TTN: variants seen among roughly 807,000 people sequenced by gnomAD.
TTN encodes connectin.
Under a neutral mutation model 3,223.0 loss-of-function variants are expected in TTN, and 1,525 were observed. The ratio of observed to expected loss-of-function variants is 0.47; its 90% CI spans 0.45 to 0.49. TTN has a LOEUF of 0.49. Ranked by LOEUF, TTN falls within the 20% of genes least tolerant of loss-of-function variation. The pLI is 0.00. For synonymous variants in TTN, 14,094 were observed against 15,161.0 expected (o/e 0.93, Z 5.17); for missense variants, 40,786 against 43,424.0 (o/e 0.94, Z 5.40).
Position 178,756,290 on chromosome 2 carries a change from A to G in TTN, c.11186T>C (p.Leu3729Pro). ...ICNVQLVDQG[L>P]YSCIVHNDCG... The stretch of plus-strand genomic sequence containing the variant: ...GTCATTGTGTACAATGCAGCTGTAT[A>G]GTCCTTGGTCTACCAGCTGAACATT... Residue 3729 changes from leucine to proline, a missense_variant, in exon 46 of 363, where the codon CTA (leucine) becomes CCA (proline). Leu to Pro is a moderately conservative substitution (Grantham distance 98, BLOSUM62 -3). Coordinates refer to ENST00000589042, the MANE Select transcript of TTN (RefSeq NM_001267550.2). 6.2e-7 allele frequency: 1 copy of G among 1,613,834 alleles called. No homozygotes were observed. Among genetic ancestry groups the G allele is most frequent in the Non-Finnish European group, 8.5e-7 (1 of 1,179,722 alleles).
chr2:178,785,526 A>G, intron 15 of TTN, 94 bp downstream of exon 15: 1 of 1,568,576 alleles, frequency 6.4e-7, no homozygotes, highest in Non-Finnish European at 8.7e-7. Flanking sequence ...CCAAAAAAGA[A>G]TCCTCCATTG....
At position 178,551,878 on chromosome 2, in the gene TTN, A is replaced by G. The variant is rs1379791737; in HGVS notation, c.91022T>C (p.Met30341Thr). 4 of 1,613,912 alleles carry G rather than the reference A, an allele frequency of 2.5e-6. No individual in the cohort carries two copies. The highest frequency in any genetic ancestry group is 1.1e-5 in the South Asian group (1 of 91,084). Reference protein sequence around the residue: ...PVIYNVTSDGMSLTWDAPVYD... With the variant: ...PVIYNVTSDGTSLTWDAPVYD... ...AACTGGAGCATCCCAAGTTAGTGAC[A>G]TGCCATCAGAAGTCACATTGTATAT... Residue 30341 changes from methionine to threonine, a missense_variant, in exon 335 of 363, where the codon ATG becomes ACG. By Grantham distance (81) the Met-to-Thr change is moderately conservative (BLOSUM62 -1). Transcript: ENST00000589042.
Position 178,764,263 on chromosome 2 carries a change from T to C in TTN, c.10028A>G (p.Tyr3343Cys). 6.2e-7 allele frequency: 1 copy of C among 1,614,066 alleles called. No individual in the cohort carries two copies. The highest frequency in any genetic ancestry group is 8.5e-7 in the Non-Finnish European group (1 of 1,179,986). ...AAGCGGGGTGATGATGGCAGGTGGATAAACAGGCATTTCCTGATCAGGAGA... is the reference window on the plus strand; with the variant it reads ...AAGCGGGGTGATGATGGCAGGTGGACAAACAGGCATTTCCTGATCAGGAGA... ...VVSPDQEMPV[Y>C]PPAIITPLQD... is the part of the protein sequence containing the mutation. Residue 3343 changes from tyrosine (Y) to cysteine (C), a missense_variant, in exon 43 of 363, where the codon TAT becomes TGT. Transcript: ENST00000589042.
intron 92 of TTN, 193 bp downstream of exon 92, chr2:178,713,704 A>G (rs1468158117): frequency 1.2e-6 from 1 of 853,946 alleles, no homozygotes; most frequent in African/African-American, 1.7e-5. Context: ...GAAATTCCTC[A>G]AAAAGAAAGG....
chr2:178,717,015 C>T, intron 88 of TTN, 80 bp downstream of exon 88: 3 of 1,474,610 alleles, frequency 2.0e-6, no homozygotes, highest in Non-Finnish European at 2.7e-6. Flanking sequence ...ACATAGCTCT[C>T]TCTCAAGCAC....
At chr2:178,704,042 A>G (rs888252715) in intron 106 of TTN, 105 bp downstream of exon 106, 7 of 1,428,484 alleles carry the variant, frequency 4.9e-6, no homozygotes, top group South Asian at 2.9e-5. Context: ...ATAAGAACAC[A>G]TGACCACTTT....
At position 178,722,342 on chromosome 2, in the gene TTN, T is replaced by A. The variant is rs558855070; in HGVS notation, c.22445A>T (p.Asp7482Val). 2 of 1,613,204 alleles carry A rather than the reference T, an allele frequency of 1.2e-6. No homozygotes were observed. Among genetic ancestry groups the A allele is most frequent in the Middle Eastern group, 1.7e-4 (1 of 6,052 alleles). ...AGAGTACTGGCCAGAGTGACTCAAGTCAGTTTGCAAAATTTTTAAAGTTGC... is the reference window on the plus strand; with the variant it reads ...AGAGTACTGGCCAGAGTGACTCAAGACAGTTTGCAAAATTTTTAAAGTTGC... ...NVATLKILQT[D>V]LSHSGQYSCS... Residue 7482 changes from aspartate (D) to valine (V), a missense_variant, in exon 77 of 363, where the codon GAC (aspartate) becomes GTC (valine). Physicochemically the swap from Asp to Val is radical, Grantham distance 152. Coordinates refer to ENST00000589042, the MANE Select transcript of TTN (RefSeq NM_001267550.2).
chr2:178,636,905 C>T lies in TTN; in HGVS notation c.40928-106G>A, dbSNP rs570189553. On this transcript the variant is annotated intron_variant, in intron 224 of 362. Coordinates refer to ENST00000589042, the MANE Select transcript of TTN (RefSeq NM_001267550.2). The surrounding 1 kb of genome is among the most constrained non-coding windows in gnomAD (Gnocchi z 4.3). ...AACCAGCCGTAAAGCAATTAGAAGA[C>T]GAGAAAACTAAAGACCAGGCAATTG... 7.7e-5 allele frequency: 101 copies of T among 1,304,360 alleles called. No homozygotes were observed. Among genetic ancestry groups the T allele is most frequent in the African/African-American group, 7.7e-4 (52 of 67,710 alleles). The allele number at this position is 1,304,360 out of a possible 1,614,324, so 80.8% of individuals were successfully genotyped here. A position where few individuals can be genotyped will look rare whatever the true frequency, so the allele number is the denominator to read the frequency against.
At position 178,642,252 on chromosome 2, in the gene TTN, C is replaced by T. The variant is rs727504200; in HGVS notation, c.40543G>A (p.Val13515Ile). The change falls in exon 219 of 363, where the codon GTT becomes ATT. Residue 13515 changes from valine (V) to isoleucine (I), a missense_variant. Transcript: ENST00000589042. ...AATACTATACCGCTTTTCAGAACAA[C>T]TTCTTCCTTTGGTTCAGGTTTACGT... ...PERKPEPKEE[V>I]VLKSVLRKRP... 41 of 1,591,172 alleles carry T rather than the reference C, an allele frequency of 2.6e-5. No individual in the cohort carries two copies. In the Admixed American group the frequency reaches 6.1e-4, roughly 24 times the overall value.
At chr2:178,610,464 G>T in intron 270 of TTN, 75 bp from the exon 271 acceptor site, 1 of 1,476,142 alleles carries the variant, frequency 6.8e-7, no homozygotes. Context: ...TCTCTAAGTG[G>T]GGCTATCTGT....
At position 178,577,217 on chromosome 2, in the gene TTN, C is replaced by T; in HGVS notation, c.69118G>A (p.Val23040Ile). 1.2e-6 allele frequency: 2 copies of T among 1,612,896 alleles called. No individual in the cohort carries two copies. The highest frequency in any genetic ancestry group is 1.7e-6 in the Non-Finnish European group (2 of 1,179,468). The stretch of plus-strand genomic sequence containing the variant: ...TCAACAGGACCTGGGGGACCAGGTA[C>T]ATCAAGGACTGTTACCTTCACATGT... ...VEHVKVTVLD[V>I]PGPPGPVEIS... The change falls in exon 324 of 363, where the codon GTA becomes ATA. Residue 23040 changes from valine (V) to isoleucine (I), a missense_variant. Transcript: ENST00000589042.
intron 330 of TTN, 187 bp from the exon 331 acceptor site, chr2:178,555,339 A>G (rs1700969275): frequency 3.4e-6 from 2 of 590,662 alleles, no homozygotes; most frequent in South Asian, 4.9e-5. Flanking sequence ...CAGATGGGGT[A>G]GAAAGACTGT....
At chr2:178,594,779 G>C (rs2051057047) in intron 295 of TTN, 133 bp from the exon 296 acceptor site, 5 of 671,632 alleles carry the variant, frequency 7.4e-6, no homozygotes. Context: ...TAGCAAAAGA[G>C]ATCTCATCAT....
intron 28 of TTN, 76 bp downstream of exon 28, chr2:178,775,280 A>C: frequency 1.9e-6 from 3 of 1,612,240 alleles, no homozygotes; most frequent in Non-Finnish European, 2.5e-6. Context: ...ATGGGGAAAG[A>C]AAATAAAAGT....
In TTN at chr2:178,694,022, AT is replaced by A. The variant is rs2073102076; in HGVS notation, c.31427-15del. The A allele has an allele frequency of 4.4e-6, 7 of 1,593,010 alleles. No individual in the cohort carries two copies. Among genetic ancestry groups the A allele is most frequent in the Non-Finnish European group, 6.0e-6 (7 of 1,164,858 alleles). Reference sequence around the variant, plus strand: ...GCACAGCTGGTACTTTAAAGAGAGTATTTCACATTAGTATTCCTTTTTTTTA... The same window carrying A: ...GCACAGCTGGTACTTTAAAGAGAGTATTCACATTAGTATTCCTTTTTTTTA... On this transcript the variant is annotated splice_polypyrimidine_tract_variant and intron_variant, in intron 117 of 362. Coordinates refer to ENST00000589042, the MANE Select transcript of TTN (RefSeq NM_001267550.2).
In TTN at chr2:178,717,331, G is replaced by A. The variant is rs762161074; in HGVS notation, c.25403C>T (p.Ala8468Val). ...FDLKPVSVDL[A>V]LGESGTFKCH... ...TTTAAAAGTACCACTTTCTCCAAGA[G>A]CAAGATCTACTGATACAGGCTTTAG... Residue 8468 changes from alanine (A) to valine (V), a missense_variant, in exon 88 of 363, where the codon GCT (alanine) becomes GTT (valine). Coordinates refer to ENST00000589042, the MANE Select transcript of TTN (RefSeq NM_001267550.2). 6.2e-7 allele frequency: 1 copy of A among 1,613,508 alleles called. No homozygotes were observed. The highest frequency in any genetic ancestry group is 8.5e-7 in the Non-Finnish European group (1 of 1,179,544).
chr2:178,557,944 C>A lies in TTN; in HGVS notation c.87410G>T (p.Arg29137Met). The change falls in exon 328 of 363, where the codon AGG becomes ATG. Residue 29137 changes from arginine (R) to methionine (M), a missense_variant. Coordinates refer to ENST00000589042, the MANE Select transcript of TTN (RefSeq NM_001267550.2). ...KAFINIVVLD[R>M]PGPPTGPVVI... ...AACAGGGCCAGTTGGAGGACCAGGC[C>A]TGTCTAGCACAACAATGTTAATGAA... The A allele has an allele frequency of 6.2e-6, 10 of 1,613,152 alleles. No homozygotes were observed. Among genetic ancestry groups the A allele is most frequent in the Non-Finnish European group, 8.5e-6 (10 of 1,179,846 alleles).
At chr2:178,701,270 G>T (rs993058822) in intron 110 of TTN, 67 bp from the exon 111 acceptor site, 26 of 1,419,062 alleles carry the variant, frequency 1.8e-5, no homozygotes, top group East Asian at 2.3e-5. Context: ...ATAATGAAAA[G>T]TCTCATGCAT....
In TTN at chr2:178,601,096, G is replaced by A. The variant is rs531760043; in HGVS notation, c.55808C>T (p.Pro18603Leu). Residue 18603 changes from proline to leucine, a missense_variant, in exon 288 of 363, where the codon CCG becomes CTG. Transcript: ENST00000589042. ...AACAGGGGAGCCCCCATCATTCTTC[G>A]GGGGTTTCCATGACAGATGCACTGT... The part of the protein sequence containing the change: ...KNTVHLSWKP[P>L]KNDGGSPVTH... 14 of 1,603,170 alleles carry A rather than the reference G, an allele frequency of 8.7e-6. No homozygotes were observed. The highest frequency in any genetic ancestry group is 2.2e-5 in the South Asian group (2 of 89,422).
Sources: gnomAD v4.1 joint callset for allele counts on GRCh38, gnomAD v4.1.1 for gene constraint, Gnocchi (gnomAD v3.1) non-coding constraint, MANE v1.5 for transcripts, NCBI Gene and HGNC (gene_info 2026-07-23, HGNC 2026-07-21) for gene names.